The following AOPEP variants were observed in gnomAD, a reference collection of about 807,000 sequenced individuals.
AOPEP encodes aminopeptidase O.
Under a neutral mutation model 98.1 loss-of-function variants are expected in AOPEP, and 77 were observed. The ratio of observed to expected loss-of-function variants is 0.78; its 90% CI spans 0.65 to 0.95. The LOEUF (loss-of-function observed/expected upper bound fraction) is 0.95. Ranked by LOEUF, AOPEP falls within the 40% of genes least tolerant of loss-of-function variation. The pLI is 0.00. For missense variants in AOPEP, 1,024 were observed against 1,024.7 expected (o/e 1.00, Z 0.01); for synonymous variants, 346 against 365.3 (o/e 0.95, Z 0.60).
chr9:95,110,699 T>C, the AOPEP span: 1 of 1,058,156 alleles, frequency 9.5e-7, no homozygotes, highest in Non-Finnish European at 1.1e-6. Context: ...CAGGGCTCTA[T>C]ACAAAATGAG....
chr9:95,112,085 C>G, the AOPEP span, among the ~76,000 whole-genome samples: 1 of 152,320 alleles, frequency 6.6e-6, no homozygotes, highest in Non-Finnish European at 1.5e-5. Context: ...TCAGCAACTA[C>G]GAATTTTTAA....
chr9:94,942,419 G>T (rs1397396923), intron 7 of AOPEP, among the ~76,000 whole-genome samples: 2 of 152,062 alleles, frequency 1.3e-5, no homozygotes, highest in African/African-American at 4.8e-5. Context: ...TATTCTGCTG[G>T]ACCTGCCACA....
At chr9:94,803,985 T>C (rs1043001652) in intron 5 of AOPEP, among the ~76,000 whole-genome samples, 1 of 152,242 alleles carries the variant, frequency 6.6e-6, no homozygotes, top group African/African-American at 2.4e-5. Context: ...AAGATATGCA[T>C]GCATTTAAAA....
At chr9:94,763,185 G>T (rs1838772893) in intron 2 of AOPEP, 1 of 408,910 alleles carries the variant, frequency 2.4e-6, no homozygotes, top group African/African-American at 2.1e-5. Context: ...GTGAGAAAGA[G>T]AATGACTTTT....
intron 13 of AOPEP, among the ~76,000 whole-genome samples, chr9:95,009,612 G>C (rs2062334195): frequency 6.6e-6 from 1 of 152,174 alleles, no homozygotes; most frequent in Non-Finnish European, 1.5e-5. Flanking sequence ...ACGTGTATTA[G>C]CGTTTCCAAG....
At chr9:94,737,973 G>A (rs1347798105) in intron 1 of AOPEP, among the ~76,000 whole-genome samples, 2 of 152,170 alleles carry the variant, frequency 1.3e-5, no homozygotes, top group Non-Finnish European at 2.9e-5. Flanking sequence ...AGGGTCTGGG[G>A]CCAAACCAGG....
chr9:94,889,055 G>A (rs1264621914), intron 5 of AOPEP, among the ~76,000 whole-genome samples: 6 of 151,928 alleles, frequency 3.9e-5, no homozygotes, highest in East Asian at 1.9e-4. Flanking sequence ...TTGCAGTGGC[G>A]TGATCTCAGC....
At chr9:94,982,132 CTT>C (rs939515434) in intron 11 of AOPEP, among the ~76,000 whole-genome samples, 1 of 151,098 alleles carries the variant, frequency 6.6e-6, no homozygotes, top group Non-Finnish European at 1.5e-5. Context: ...CCTTTTATGA[CTT>C]TTTTTTTGGT....
At chr9:95,139,766 G>A in the AOPEP span, among the ~76,000 whole-genome samples, 4 of 149,390 alleles carry the variant, frequency 2.7e-5, no homozygotes, top group East Asian at 7.9e-4. Flanking sequence ...GGAGGAGGAG[G>A]TAATGAACAT....
intron 9 of AOPEP, among the ~76,000 whole-genome samples, chr9:94,964,694 C>T (rs2059078626): frequency 7.1e-6 from 1 of 141,086 alleles, no homozygotes; most frequent in Non-Finnish European, 1.5e-5. Flanking sequence ...GGCTGGAGTG[C>T]AATGGCGCGA....
chr9:94,787,835 T>C (rs1436236598), intron 3 of AOPEP, among the ~76,000 whole-genome samples: 1 of 152,162 alleles, frequency 6.6e-6, no homozygotes, highest in African/African-American at 2.4e-5. Flanking sequence ...CCTCCATTTT[T>C]CCTGCTTTTT....
intron 3 of AOPEP, among the ~76,000 whole-genome samples, chr9:94,777,364 G>A (rs548328749): frequency 2.0e-5 from 3 of 151,664 alleles, no homozygotes; most frequent in Non-Finnish European, 2.9e-5. Flanking sequence ...CCCGGGAGGC[G>A]GAGCTTGCAG....
chr9:95,137,500 T>TGGCAAAGCCCTGCCATGGTGCCACACCC, the AOPEP span, among the ~76,000 whole-genome samples: 2 of 152,066 alleles, frequency 1.3e-5, no homozygotes, highest in African/African-American at 4.8e-5. Context: ...CTCCCACACC[T>TGGCAAAGCCCTGCCATGGTGCCACACCC]GGCAAAGCCC....
chr9:94,837,233 A>G (rs956531968), intron 5 of AOPEP, among the ~76,000 whole-genome samples: 5 of 152,232 alleles, frequency 3.3e-5, no homozygotes, highest in African/African-American at 9.6e-5. Context: ...GAACAGAACA[A>G]TAACAAGCAG....
intron 7 of AOPEP, among the ~76,000 whole-genome samples, chr9:94,937,899 A>G (rs7857915): frequency 0.87 from 132,835 of 152,174 alleles, 58,227 homozygotes; most frequent in South Asian, 0.96. Flanking sequence ...TTGAGATGGA[A>G]TCTCGCTCTG....
intron 1 of AOPEP, among the ~76,000 whole-genome samples, chr9:94,744,529 C>T (rs534145056): frequency 1.1e-4 from 16 of 151,648 alleles, no homozygotes; most frequent in East Asian, 5.8e-4. Context: ...GGAGAAACCC[C>T]GTCTCTAGTA....
At chr9:94,896,441 G>A (rs2049572493) in intron 5 of AOPEP, among the ~76,000 whole-genome samples, 1 of 152,142 alleles carries the variant, frequency 6.6e-6, no homozygotes, top group South Asian at 2.1e-4. Context: ...CCTTCCAAAG[G>A]TCACAGTAGG....
intron 1 of AOPEP, among the ~76,000 whole-genome samples, chr9:94,747,606 C>A (rs1834814014): frequency 6.6e-6 from 1 of 152,162 alleles, no homozygotes; most frequent in African/African-American, 2.4e-5. Flanking sequence ...AAAAGCATAT[C>A]CTAAACTCAA....
the AOPEP span, among the ~76,000 whole-genome samples, chr9:95,105,312 G>A: frequency 2.6e-5 from 4 of 152,200 alleles, no homozygotes; most frequent in Non-Finnish European, 4.4e-5. Context: ...CGGCCTGGAC[G>A]GGAGCAGGAG....
Sources: allele counts gnomAD v4.1 joint callset (sites outside exome capture counted in the v4.1 genomes callset), GRCh38; gene constraint gnomAD v4.1.1; transcripts MANE v1.5; gene names NCBI Gene and HGNC (gene_info 2026-07-23, HGNC 2026-07-21).